ABTB3: variants seen among roughly 807,000 people sequenced by gnomAD.
ABTB3 encodes ankyrin repeat- and BTB/POZ domain-containing protein 3.
chr12:107,564,296 C>T, the ABTB3 span, among the ~76,000 whole-genome samples: 1 of 152,132 alleles, frequency 6.6e-6, no homozygotes, highest in African/African-American at 2.4e-5. Context: ...ACTTCCCATC[C>T]CAGCTTTAGA....
chr12:107,540,938 G>C, the ABTB3 span, among the ~76,000 whole-genome samples: 4 of 152,174 alleles, frequency 2.6e-5, no homozygotes, highest in Admixed American at 2.6e-4. Context: ...GCTGCAGTGA[G>C]CTATGATCAC....
chr12:107,425,924 ATCCATCACAGCCT>A, the ABTB3 span, among the ~76,000 whole-genome samples: 3 of 152,212 alleles, frequency 2.0e-5, no homozygotes, highest in Non-Finnish European at 4.4e-5. Flanking sequence ...GGGTTCGACC[ATCCATCACAGCCT>A]TCTGAGTCGT....
At chr12:107,362,005 A>G in the ABTB3 span, among the ~76,000 whole-genome samples, 2 of 152,306 alleles carry the variant, frequency 1.3e-5, no homozygotes, top group African/African-American at 2.4e-5. Flanking sequence ...ATCAGAAAAG[A>G]AGCCCTCATT....
chr12:107,350,236 T>G, the ABTB3 span, among the ~76,000 whole-genome samples: 3 of 152,272 alleles, frequency 2.0e-5, no homozygotes, highest in South Asian at 6.2e-4. Context: ...GGAATGTGCA[T>G]TTCTCAGATA....
the ABTB3 span, chr12:107,581,028 G>A: frequency 1.9e-6 from 3 of 1,551,820 alleles, no homozygotes; most frequent in Admixed American, 3.9e-5. Flanking sequence ...CAGGGAAAGC[G>A]GGGTGTGGGC....
chr12:107,390,116 C>G, the ABTB3 span, among the ~76,000 whole-genome samples: 1 of 152,128 alleles, frequency 6.6e-6, no homozygotes, highest in South Asian at 2.1e-4. Flanking sequence ...GGGCATGGCA[C>G]TGAGAGGGGT....
chr12:107,461,075 C>T, the ABTB3 span, among the ~76,000 whole-genome samples: 1 of 152,110 alleles, frequency 6.6e-6, no homozygotes, highest in East Asian at 1.9e-4. Context: ...AAAGGAGAAG[C>T]AAAGGCACGT....
At chr12:107,558,858 G>T in the ABTB3 span, among the ~76,000 whole-genome samples, 1 of 152,188 alleles carries the variant, frequency 6.6e-6, no homozygotes, top group Non-Finnish European at 1.5e-5. Flanking sequence ...CTTGCCCAAG[G>T]TCACACAGCT....
At chr12:107,343,440 C>T in the ABTB3 span, among the ~76,000 whole-genome samples, 1 of 152,136 alleles carries the variant, frequency 6.6e-6, no homozygotes, top group African/African-American at 2.4e-5. Context: ...CTAAAGGTGG[C>T]TGGAGGTGAA....
the ABTB3 span, among the ~76,000 whole-genome samples, chr12:107,541,474 C>G: frequency 6.6e-6 from 1 of 152,210 alleles, no homozygotes; most frequent in Non-Finnish European, 1.5e-5. Flanking sequence ...CTGAGAAAGT[C>G]ATTTATTTTA....
chr12:107,380,745 T>TA, the ABTB3 span, among the ~76,000 whole-genome samples: 1 of 152,166 alleles, frequency 6.6e-6, no homozygotes, highest in Admixed American at 6.5e-5. Flanking sequence ...CAATAGTCTC[T>TA]AAAACAGGGT....
At chr12:107,489,121 T>A in the ABTB3 span, among the ~76,000 whole-genome samples, 958 of 152,312 alleles carry the variant, frequency 6.3e-3, 29 homozygotes, top group East Asian at 0.049. Flanking sequence ...ACATTCGTAC[T>A]GATAATAGTG....
At chr12:107,333,234 G>A in the ABTB3 span, among the ~76,000 whole-genome samples, 1 of 152,206 alleles carries the variant, frequency 6.6e-6, no homozygotes, top group Non-Finnish European at 1.5e-5. Context: ...AGGGTCAGAA[G>A]GTGGCCTGGA....
the ABTB3 span, among the ~76,000 whole-genome samples, chr12:107,345,084 C>T: frequency 6.6e-6 from 1 of 152,182 alleles, no homozygotes; most frequent in Non-Finnish European, 1.5e-5. Flanking sequence ...CCTTGCTTTT[C>T]CTGTTGCTCA....
At chr12:107,324,998 G>A in the ABTB3 span, among the ~76,000 whole-genome samples, 1 of 152,156 alleles carries the variant, frequency 6.6e-6, no homozygotes, top group African/African-American at 2.4e-5. Context: ...CAAACCGAAC[G>A]CAATGGGCGA....
At chr12:107,342,732 C>T in the ABTB3 span, among the ~76,000 whole-genome samples, 2 of 152,168 alleles carry the variant, frequency 1.3e-5, no homozygotes, top group African/African-American at 4.8e-5. Flanking sequence ...TTCCAAGCTT[C>T]TGCTCAAGTC....
the ABTB3 span, among the ~76,000 whole-genome samples, chr12:107,514,786 T>G: frequency 0.029 from 4,415 of 152,352 alleles, 196 homozygotes; most frequent in African/African-American, 0.094. Context: ...CTCTATAATC[T>G]AACTCTCAAA....
chr12:107,420,326 T>C, the ABTB3 span, among the ~76,000 whole-genome samples: 1 of 152,164 alleles, frequency 6.6e-6, no homozygotes, highest in Non-Finnish European at 1.5e-5. Context: ...CTGGGTAATT[T>C]ATAAAGAAAT....
At chr12:107,384,680 G>T in the ABTB3 span, among the ~76,000 whole-genome samples, 1 of 152,180 alleles carries the variant, frequency 6.6e-6, no homozygotes, top group South Asian at 2.1e-4. Context: ...AGACAAGGGG[G>T]TCAGGTCTTT....
Sources: allele counts gnomAD v4.1 joint callset (sites outside exome capture counted in the v4.1 genomes callset), GRCh38; gene constraint gnomAD v4.1.1; transcripts MANE v1.5; gene names NCBI Gene and HGNC (gene_info 2026-07-23, HGNC 2026-07-21).